The following SORCS2 variants were observed in gnomAD, a reference collection of about 807,000 sequenced individuals.
The protein encoded by SORCS2 is sortilin related VPS10 domain containing receptor 2.
SORCS2 carries 100 observed loss-of-function variants against 141.6 expected under a neutral mutation model. The observed-to-expected ratio is 0.71, with a 90% CI of 0.60 to 0.83. The LOEUF (loss-of-function observed/expected upper bound fraction) is 0.83. Ranked by LOEUF, SORCS2 falls within the 40% of genes least tolerant of loss-of-function variation. SORCS2 has a pLI of 0.00. For missense variants in SORCS2, 1,646 were observed against 1,560.2 expected (o/e 1.05, Z -0.93); for synonymous variants, 789 against 676.9 (o/e 1.17, Z -2.57).
rs774867839 is a variant in SORCS2, at chr4:7,593,670, C to T, written c.649-44658C>T. ...GCCAACCTGGGGGCGGGGGTGGGGG[C>T]GGCCCCAGGCGGGTAATGGGAAGCC... is the stretch of plus-strand genomic sequence containing the variant. On this transcript the variant is annotated intron_variant, in intron 3 of 26. Transcript: ENST00000507866. Among the ~76,000 whole-genome samples, 234 of 152,188 alleles carry T rather than the reference C, an allele frequency of 1.5e-3. 3 individuals carry two copies. Among genetic ancestry groups the T allele is most frequent in the Non-Finnish European group, 7.1e-4 (48 of 67,980 alleles).
rs1041000980 is a variant in SORCS2 at position 7,714,233 on chromosome 4, G to T, written c.1990-7G>T. The T allele has an allele frequency of 3.0e-5, 48 of 1,609,134 alleles. No homozygotes were observed. The highest frequency in any genetic ancestry group is 3.8e-5 in the Non-Finnish European group (45 of 1,178,036). ...GGCAGCTCCTTACCCTGATGTTCCT[G>T]CTGCAGGGCGACCGCTGTATCATGG... On this transcript the variant is annotated splice_polypyrimidine_tract_variant and splice_region_variant and intron_variant, in intron 15 of 26. Coordinates refer to ENST00000507866, the MANE Select transcript of SORCS2 (RefSeq NM_020777.3).
At chr4:7,736,650 A>G (rs1712202429) in intron 25 of SORCS2, among the ~76,000 whole-genome samples, 1 of 152,216 alleles carries the variant, frequency 6.6e-6, no homozygotes, top group Non-Finnish European at 1.5e-5. Flanking sequence ...GATGGGGCTC[A>G]GCAAGTGCCT....
intron 13 of SORCS2, among the ~76,000 whole-genome samples, chr4:7,703,664 G>T (rs1310919447): frequency 6.6e-6 from 1 of 152,182 alleles, no homozygotes; most frequent in Non-Finnish European, 1.5e-5. Flanking sequence ...TTAGTAAAGT[G>T]CAGGGATTGG....
intron 18 of SORCS2, among the ~76,000 whole-genome samples, chr4:7,721,658 T>C (rs1227739277): frequency 6.6e-6 from 1 of 152,128 alleles, no homozygotes; most frequent in Non-Finnish European, 1.5e-5. Flanking sequence ...ATGGTTACCA[T>C]GGAGTTGGGC....
At chr4:7,703,435 A>T in intron 13 of SORCS2, 64 bp downstream of exon 13, 1 of 1,387,274 alleles carries the variant, frequency 7.2e-7, no homozygotes, top group Admixed American at 2.0e-5. Context: ...TCCACCTGGG[A>T]ACCCTCTCAG....
At chr4:7,517,363 T>G (rs1733054278) in intron 2 of SORCS2, among the ~76,000 whole-genome samples, 1 of 152,204 alleles carries the variant, frequency 6.6e-6, no homozygotes, top group African/African-American at 2.4e-5. Context: ...TCCTAATGAA[T>G]TTTTGTATCT....
chr4:7,560,507 A>T (rs1714457650), intron 3 of SORCS2, among the ~76,000 whole-genome samples: 2 of 152,128 alleles, frequency 1.3e-5, no homozygotes, highest in Admixed American at 6.5e-5. Context: ...GCTCCCGGGA[A>T]CCATGTGGAA....
intron 3 of SORCS2, among the ~76,000 whole-genome samples, chr4:7,533,651 G>A (rs1711852127): frequency 6.6e-6 from 1 of 152,222 alleles, no homozygotes; most frequent in South Asian, 2.1e-4. Flanking sequence ...AATGTGAAGG[G>A]CAAGGCAACA....
At position 7,340,471 on chromosome 4, in the gene SORCS2, C is replaced by T. The variant is rs563951014; in HGVS notation, c.481-55817C>T. ...GGAGGGCAGCCCGGATCCTGGCCAGCGCCTACCCTGGAAGGTGCCAGCTTC... is the reference window on the plus strand; with the variant it reads ...GGAGGGCAGCCCGGATCCTGGCCAGTGCCTACCCTGGAAGGTGCCAGCTTC... On this transcript the variant is annotated intron_variant, in intron 1 of 26. Coordinates refer to ENST00000507866, the MANE Select transcript of SORCS2 (RefSeq NM_020777.3). Among the ~76,000 whole-genome samples the T allele has an allele frequency of 9.2e-5, 14 of 152,356 alleles. No homozygotes were observed. The East Asian group carries it at 9.6e-4, about 10-fold the overall frequency.
At chr4:7,306,793 G>C (rs999974380) in intron 1 of SORCS2, among the ~76,000 whole-genome samples, 1 of 152,204 alleles carries the variant, frequency 6.6e-6, no homozygotes, top group Non-Finnish European at 1.5e-5. Flanking sequence ...CCCCGTCCCT[G>C]GAGGGGTGCA....
rs144321489 is a variant in SORCS2 at position 7,331,074 on chromosome 4, G to C, written c.481-65214G>C. Among the ~76,000 whole-genome samples, 951 of 151,456 alleles carry C rather than the reference G, an allele frequency of 6.3e-3. 11 individuals are homozygous for C. Among genetic ancestry groups the C allele is most frequent in the African/African-American group, 0.021 (874 of 41,314 alleles). ...AGAGGCCTGAGGGAGTCTGCGCTTGGTGTGCTCCAGGGCCAGGGAGGGCTA... is the reference window on the plus strand; with the variant it reads ...AGAGGCCTGAGGGAGTCTGCGCTTGCTGTGCTCCAGGGCCAGGGAGGGCTA... On this transcript the variant is annotated intron_variant, in intron 1 of 26. Transcript: ENST00000507866.
chr4:7,612,261 C>G (rs1317805141), intron 3 of SORCS2, among the ~76,000 whole-genome samples: 2 of 152,092 alleles, frequency 1.3e-5, no homozygotes, highest in East Asian at 3.9e-4. Context: ...TTTGGGAGGT[C>G]ACAGGGGTGA....
At chr4:7,717,766 G>A (rs557608417) in intron 17 of SORCS2, among the ~76,000 whole-genome samples, 34 of 152,320 alleles carry the variant, frequency 2.2e-4, no homozygotes, top group East Asian at 5.8e-4. Context: ...AGATGCCAGC[G>A]CCTCCGAAGC....
chr4:7,401,762 C>T lies in SORCS2; in HGVS notation c.548+5407C>T, dbSNP rs1384473187. On this transcript the variant is annotated intron_variant, in intron 2 of 26. Coordinates refer to ENST00000507866, the MANE Select transcript of SORCS2 (RefSeq NM_020777.3). The stretch of plus-strand genomic sequence containing the variant: ...CCTACCACTTCCTGGGTGCATTTGA[C>T]CTCAAGCAGGACCTTCATCCAGGGG... Among the ~76,000 whole-genome samples the T allele has an allele frequency of 2.0e-5, 3 of 152,276 alleles. No homozygotes were observed. The East Asian group carries it at 5.8e-4, about 29-fold the overall frequency.
intron 1 of SORCS2, among the ~76,000 whole-genome samples, chr4:7,339,038 C>T (rs531087661): frequency 1.3e-5 from 2 of 152,356 alleles, no homozygotes; most frequent in Admixed American, 6.5e-5. Context: ...TTGGCCAAGA[C>T]GGGCTCTTCC....
At chr4:7,602,885 G>A (rs537459641) in intron 3 of SORCS2, among the ~76,000 whole-genome samples, 281 of 152,380 alleles carry the variant, frequency 1.8e-3, no homozygotes, top group Non-Finnish European at 2.9e-3. Context: ...CACTGAGTGA[G>A]CGAGACTCCG....
intron 1 of SORCS2, among the ~76,000 whole-genome samples, chr4:7,266,482 G>A (rs1467200516): frequency 6.6e-6 from 1 of 152,190 alleles, no homozygotes; most frequent in Non-Finnish European, 1.5e-5. Flanking sequence ...GCTTTCCCGG[G>A]ATGTCTCTGA....
At chr4:7,558,728 C>T (rs1392203738) in intron 3 of SORCS2, among the ~76,000 whole-genome samples, 1 of 152,204 alleles carries the variant, frequency 6.6e-6, no homozygotes. Flanking sequence ...GTGCCTACCC[C>T]AGGGGGCTTT....
chr4:7,679,567 G>A (rs2108961120), intron 9 of SORCS2, among the ~76,000 whole-genome samples: 1 of 152,342 alleles, frequency 6.6e-6, no homozygotes, highest in East Asian at 1.9e-4. Flanking sequence ...AGGCCCCATG[G>A]AGACAGAGGC....
Sources: allele counts gnomAD v4.1 joint callset (sites outside exome capture counted in the v4.1 genomes callset), GRCh38; gene constraint gnomAD v4.1.1; transcripts MANE v1.5; gene names NCBI Gene and HGNC (gene_info 2026-07-23, HGNC 2026-07-21).